The following SDK1 variants were observed in gnomAD, a reference collection of about 807,000 sequenced individuals.
SDK1 encodes protein sidekick-1.
A neutral mutation model predicts 245.5 loss-of-function variants in SDK1; 157 were observed. The ratio of observed to expected loss-of-function variants is 0.64; its 90% confidence interval spans 0.56 to 0.73. SDK1 has a LOEUF of 0.73. Among genes scored for constraint, SDK1 ranks in the 30% least tolerant of loss-of-function variants. SDK1 has a pLI of 0.00. For missense variants in SDK1, 3,583 were observed against 3,002.3 expected (o/e 1.19, Z -4.52); for synonymous variants, 1,647 against 1,278.5 (o/e 1.29, Z -6.15).
intron 1 of SDK1, among the ~76,000 whole-genome samples, chr7:3,383,953 G>A (rs185507817): frequency 6.6e-6 from 1 of 152,144 alleles, no homozygotes; most frequent in African/African-American, 2.4e-5. Context: ...CAGAATATAA[G>A]ACATTAAAAC....
intron 5 of SDK1, among the ~76,000 whole-genome samples, chr7:3,923,348 G>T (rs1779659558): frequency 6.6e-6 from 1 of 152,138 alleles, no homozygotes; most frequent in Non-Finnish European, 1.5e-5. Context: ...GAATGTGCAG[G>T]CTGTATTGAG....
chr7:4,182,070 C>A (rs959477357), intron 35 of SDK1, among the ~76,000 whole-genome samples: 6 of 152,334 alleles, frequency 3.9e-5, no homozygotes, highest in Non-Finnish European at 8.8e-5. Flanking sequence ...CAGGCGCCCG[C>A]CACCACGCCC....
intron 1 of SDK1, among the ~76,000 whole-genome samples, chr7:3,606,889 T>A (rs922538025): frequency 6.6e-6 from 1 of 152,082 alleles, no homozygotes; most frequent in Non-Finnish European, 1.5e-5. Flanking sequence ...ACACAACTTA[T>A]GAAAAAAGTT....
At chr7:3,731,172 G>T (rs1224470544) in intron 4 of SDK1, among the ~76,000 whole-genome samples, 1 of 152,154 alleles carries the variant, frequency 6.6e-6, no homozygotes. Context: ...GACGGGCGGA[G>T]AGCTGGTCAA....
At chr7:3,651,660 A>G (rs1783017891) in intron 4 of SDK1, among the ~76,000 whole-genome samples, 1 of 152,198 alleles carries the variant, frequency 6.6e-6, no homozygotes, top group Non-Finnish European at 1.5e-5. Flanking sequence ...ATGACTCTTC[A>G]CAGTCCAGAA....
chr7:3,905,247 A>G (rs1246534667), intron 5 of SDK1, among the ~76,000 whole-genome samples: 2 of 151,982 alleles, frequency 1.3e-5, no homozygotes, highest in African/African-American at 4.8e-5. Context: ...AGTCTCCTAT[A>G]TGGACATTTA....
At chr7:3,706,083 A>G (rs776419149) in intron 4 of SDK1, among the ~76,000 whole-genome samples, 1 of 152,094 alleles carries the variant, frequency 6.6e-6, no homozygotes, top group African/African-American at 2.4e-5. Context: ...TGATTCATGT[A>G]TGTTAAACCT....
intron 5 of SDK1, among the ~76,000 whole-genome samples, chr7:3,891,937 G>A (rs896305656): frequency 6.6e-6 from 1 of 151,978 alleles, no homozygotes; most frequent in African/African-American, 2.4e-5. Flanking sequence ...CTTATAGCAC[G>A]GTGTCAAAGG....
chr7:3,820,597 C>G (rs933083077), intron 4 of SDK1, among the ~76,000 whole-genome samples: 1 of 152,106 alleles, frequency 6.6e-6, no homozygotes, highest in Non-Finnish European at 1.5e-5. Context: ...TGTTTTTATT[C>G]TTTTTTAAAA....
chr7:3,647,164 T>C (rs1034510420), intron 4 of SDK1, among the ~76,000 whole-genome samples: 8 of 152,244 alleles, frequency 5.3e-5, no homozygotes, highest in African/African-American at 9.6e-5. Context: ...AGCAGGAGGA[T>C]GGCTTGAGCC....
chr7:4,003,346 A>G (rs914572317), intron 14 of SDK1, among the ~76,000 whole-genome samples: 1 of 152,206 alleles, frequency 6.6e-6, no homozygotes, highest in African/African-American at 2.4e-5. Context: ...AACTGTTTCA[A>G]AGATGGACCC....
At chr7:3,947,407 A>G (rs1780621006) in intron 5 of SDK1, among the ~76,000 whole-genome samples, 1 of 152,188 alleles carries the variant, frequency 6.6e-6, no homozygotes, top group African/African-American at 2.4e-5. Flanking sequence ...CACTGTTTAT[A>G]TTTACTATGT....
At chr7:3,596,178 G>C (rs540229912) in intron 1 of SDK1, among the ~76,000 whole-genome samples, 4 of 152,138 alleles carry the variant, frequency 2.6e-5, no homozygotes, top group Non-Finnish European at 4.4e-5. Context: ...GAGCGTTTCA[G>C]TCTGTCGTTC....
chr7:4,265,215 G>T lies in SDK1; in HGVS notation c.6473G>T (p.Arg2158Leu), dbSNP rs760439265. Residue 2158 changes from arginine (R) to leucine (L), a missense_variant, in exon 45 of 45, where the codon CGC becomes CTC. Arg to Leu is a moderately radical substitution (Grantham distance 102). Transcript: ENST00000404826. ...CCCACCTACTACAACTCATGGAAGC[G>T]CAGGGCCCAGGGCCGCGCACCTGCG... Reference protein sequence around the residue: ...SDPTYYNSWKRRAQGRAPAPH... With the variant: ...SDPTYYNSWKLRAQGRAPAPH... 2.5e-6 allele frequency: 4 copies of T among 1,610,120 alleles called. No homozygotes were observed. The highest frequency in any genetic ancestry group is 2.7e-5 in the African/African-American group (2 of 74,900).
intron 35 of SDK1, among the ~76,000 whole-genome samples, chr7:4,192,086 C>T (rs1783242918): frequency 6.6e-6 from 1 of 152,196 alleles, no homozygotes; most frequent in African/African-American, 2.4e-5. Flanking sequence ...AAATCTCAAG[C>T]ATACACAGAA....
In SDK1 at chr7:3,641,902, C is replaced by T. The variant is rs555045219; in HGVS notation, c.566-56C>T. On this transcript the variant is annotated intron_variant, in intron 3 of 44. Transcript: ENST00000404826. Reference sequence around the variant, plus strand: ...ACTTACCTGTTTCCATCTGTGACCCCTTCCCTCCCCCAAAAATGTTTTCTA... The same window carrying T: ...ACTTACCTGTTTCCATCTGTGACCCTTTCCCTCCCCCAAAAATGTTTTCTA... 5.4e-6 allele frequency: 8 copies of T among 1,492,348 alleles called. No individual in the cohort carries two copies. In the African/African-American group the frequency reaches 5.6e-5, roughly 10 times the overall value. 92.4% of individuals were successfully genotyped at this position (1,492,348 alleles called of 1,614,324 possible).
intron 31 of SDK1, among the ~76,000 whole-genome samples, chr7:4,161,526 C>T (rs546057724): frequency 5.3e-5 from 8 of 152,260 alleles, no homozygotes; most frequent in Admixed American, 4.6e-4. Context: ...GGGTGGCTCT[C>T]GGAATGTCCA....
chr7:3,707,861 T>C (rs112706531), intron 4 of SDK1, among the ~76,000 whole-genome samples: 1 of 152,206 alleles, frequency 6.6e-6, no homozygotes, highest in East Asian at 1.9e-4. Flanking sequence ...TTATGTGATA[T>C]AAGAATAGCT....
chr7:3,423,177 A>T (rs988716097), intron 1 of SDK1, among the ~76,000 whole-genome samples: 1 of 152,244 alleles, frequency 6.6e-6, no homozygotes, highest in African/African-American at 2.4e-5. Flanking sequence ...CACCTTTTCC[A>T]TAAGATAATT....
Sources: gnomAD v4.1 joint callset for allele counts (sites outside exome capture counted in the v4.1 genomes callset) on GRCh38, gnomAD v4.1.1 for gene constraint, MANE v1.5 for transcripts, NCBI Gene and HGNC (gene_info 2026-07-23, HGNC 2026-07-21) for gene names.